Variants in TEX15 observed in about 807,000 individuals in gnomAD.
The protein encoded by TEX15 is testis expressed 15, meiosis and synapsis associated.
TEX15 carries 171 observed loss-of-function variants against 237.3 expected under a neutral mutation model. The observed-to-expected ratio is 0.72, with a 90% CI of 0.64 to 0.82. TEX15 has a LOEUF of 0.82. Among genes scored for constraint, TEX15 ranks in the 40% least tolerant of loss-of-function variants. The pLI is 0.00. For synonymous variants in TEX15, 1,338 were observed against 1,269.8 expected (o/e 1.05, Z -1.14); for missense variants, 3,750 against 3,646.5 (o/e 1.03, Z -0.73).
chr8:30,851,591 C>T (rs1348674034), intron 7 of TEX15, among the ~76,000 whole-genome samples: 1 of 151,800 alleles, frequency 6.6e-6, no homozygotes, highest in African/African-American at 2.4e-5. Flanking sequence ...GAGATCACAC[C>T]ACTACACTCC....
intron 9 of TEX15, among the ~76,000 whole-genome samples, chr8:30,838,742 ATATG>A (rs1462263377): frequency 7.7e-5 from 11 of 143,754 alleles, no homozygotes; most frequent in Admixed American, 2.1e-4. Context: ...ACATACACAC[ATATG>A]TATGTGTATG....
rs776592799 is a variant in TEX15 at position 30,843,007 on chromosome 8, A to C, written c.7160T>G (p.Leu2387Ter). Residue 2387 changes from leucine to a stop codon, truncating the protein, a stop_gained, in exon 8 of 11, where the codon TTA becomes TGA. Transcript: ENST00000643185. LOFTEE classifies it high-confidence loss of function. Reference sequence around the variant, plus strand: ...TGTACATCTCAAGGTGAGATCCTGTAATTTTTTAAGGTCTGCAAATTCAGC... The same window carrying C: ...TGTACATCTCAAGGTGAGATCCTGTCATTTTTTAAGGTCTGCAAATTCAGC... ...DQAEFADLKK[L>*]QDLTLRCTDH... 1 of 1,613,494 alleles carries C rather than the reference A, an allele frequency of 6.2e-7. No individual in the cohort carries two copies. Among genetic ancestry groups the C allele is most frequent in the East Asian group, 2.2e-5 (1 of 44,828 alleles).
intron 1 of TEX15, among the ~76,000 whole-genome samples, chr8:30,906,538 C>T (rs1809106127): frequency 6.7e-6 from 1 of 149,158 alleles, no homozygotes; most frequent in Non-Finnish European, 1.5e-5. Context: ...TGTGGTGAGC[C>T]GAGATTGTGC....
chr8:30,848,202 T>G lies in TEX15; in HGVS notation c.1965A>C (p.Pro655=). The G allele has an allele frequency of 6.2e-7, 1 of 1,612,058 alleles. No individual in the cohort carries two copies. Among genetic ancestry groups the G allele is most frequent in the Non-Finnish European group, 8.5e-7 (1 of 1,179,684 alleles). The change falls in exon 8 of 11, where the codon CCA becomes CCC. Residue 655 remains proline (P), a synonymous_variant. Coordinates refer to ENST00000643185, the MANE Select transcript of TEX15 (RefSeq NM_001350162.2). ...NDFTNETKIS[P]IDNYIVLHQE... is the part of the protein sequence containing the mutation. The stretch of plus-strand genomic sequence containing the variant: ...GGTGCAAAACAATGTAATTATCTAT[T>G]GGACTGATTTTTGTTTCATTAGTGA...
chr8:30,867,815 CAAG>C (rs1015583813), intron 4 of TEX15, among the ~76,000 whole-genome samples: 4 of 152,040 alleles, frequency 2.6e-5, no homozygotes, highest in African/African-American at 9.7e-5. Context: ...CTCAACTTCC[CAAG>C]AAGTTTTTAT....
chr8:30,904,662 AG>A (rs1465220976), intron 1 of TEX15, among the ~76,000 whole-genome samples: 1 of 152,182 alleles, frequency 6.6e-6, no homozygotes, highest in Non-Finnish European at 1.5e-5. Flanking sequence ...AGTATTCCTC[AG>A]CTTCTCTTTC....
chr8:30,837,423 A>G lies in TEX15; in HGVS notation c.8861T>C (p.Leu2954Pro). The change falls in exon 10 of 11, where the codon CTA (leucine) becomes CCA (proline). Residue 2954 changes from leucine (L) to proline (P), a missense_variant. Coordinates refer to ENST00000643185, the MANE Select transcript of TEX15 (RefSeq NM_001350162.2). ...CTCTGACTCAGTTTCTGTAGGCTGT[A>G]GTTTGTTTATCTGCAGAGTAGGAAT... ...NKIPTLQINK[L>P]QPTETESEDK... The G allele has an allele frequency of 2.5e-6, 4 of 1,614,172 alleles. No individual in the cohort carries two copies. Among genetic ancestry groups the G allele is most frequent in the Non-Finnish European group, 3.4e-6 (4 of 1,180,018 alleles).
rs554705633 is a variant in TEX15 at position 30,889,950 on chromosome 8, T to C, written c.-9-2639A>G. ...AGTTATATACATATATATATATATA[T>C]ATACATATATATATATATGTATAAG... On this transcript the variant is annotated intron_variant, in intron 2 of 10. Coordinates refer to ENST00000643185, the MANE Select transcript of TEX15 (RefSeq NM_001350162.2). 1.6e-3 allele frequency among the ~76,000 whole-genome samples: 189 copies of C among 120,898 alleles called. 11 individuals are homozygous for C. Among genetic ancestry groups the C allele is most frequent in the African/African-American group, 5.1e-3 (148 of 28,868 alleles). The allele number at this position is 120,898 out of a possible 152,430, so 79.3% of individuals were successfully genotyped here.
Position 30,837,908 on chromosome 8 carries a change from T to A in TEX15, c.8376A>T (p.Ala2792=). Residue 2792 remains alanine (A), a synonymous_variant, in exon 10 of 11, where the codon GCA becomes GCT. Coordinates refer to ENST00000643185, the MANE Select transcript of TEX15 (RefSeq NM_001350162.2). ...AGTCTATTTTGCTTTCCGACTTTGA[T>A]GCGCAAGTGTCTTTTGGGTTCTCTA... is the stretch of plus-strand genomic sequence containing the variant. The part of the protein sequence containing the change: ...LPLENPKDTC[A]SKSESKIDLT... 6.2e-7 allele frequency: 1 copy of A among 1,614,220 alleles called. No homozygotes were observed. Among genetic ancestry groups the A allele is most frequent in the East Asian group, 2.2e-5 (1 of 44,876 alleles).
intron 7 of TEX15, among the ~76,000 whole-genome samples, chr8:30,851,669 C>T (rs1407103175): frequency 6.6e-6 from 1 of 150,558 alleles, no homozygotes; most frequent in Non-Finnish European, 1.5e-5. Context: ...TAATATATAC[C>T]AATGTGGGAA....
In TEX15 at chr8:30,847,359, A is replaced by C. The variant is rs771270212; in HGVS notation, c.2808T>G (p.Thr936=). The change falls in exon 8 of 11, where the codon ACT becomes ACG. Residue 936 remains threonine (T), a synonymous_variant. Coordinates refer to ENST00000643185, the MANE Select transcript of TEX15 (RefSeq NM_001350162.2). ...TATCTTCTTCACTCTCTAATAATGCAGTTGCTGCTGACACTGCATTATCTT... is the reference window on the plus strand; with the variant it reads ...TATCTTCTTCACTCTCTAATAATGCCGTTGCTGCTGACACTGCATTATCTT... ...CREDNAVSAA[T]ALLESEEDTI... is the part of the protein sequence containing the mutation. 6.2e-7 allele frequency: 1 copy of C among 1,613,766 alleles called. No individual in the cohort carries two copies. Among genetic ancestry groups the C allele is most frequent in the Non-Finnish European group, 8.5e-7 (1 of 1,179,900 alleles).
Position 30,859,925 on chromosome 8 carries a change from C to A in TEX15, c.673G>T (p.Ala225Ser). 1 of 1,492,468 alleles carries A rather than the reference C, an allele frequency of 6.7e-7. No individual in the cohort carries two copies. The highest frequency in any genetic ancestry group is 2.5e-5 in the East Asian group (1 of 39,898). 92.5% of individuals were successfully genotyped at this position (1,492,468 alleles called of 1,614,324 possible). ...CATTAACATACTGCTGAACTGTAGGCTTGCAGTTCAATGGTATCTTTCAAA... is the reference window on the plus strand; with the variant it reads ...CATTAACATACTGCTGAACTGTAGGATTGCAGTTCAATGGTATCTTTCAAA... ...PSLKDTIELQ[A>S]YSSAVYFYEY... Residue 225 changes from alanine (A) to serine (S), a missense_variant, in exon 6 of 11, where the codon GCC becomes TCC. Transcript: ENST00000643185.
At chr8:30,851,502 G>A (rs935752231) in intron 7 of TEX15, among the ~76,000 whole-genome samples, 4 of 151,456 alleles carry the variant, frequency 2.6e-5, no homozygotes, top group African/African-American at 9.7e-5. Context: ...GTGGTGGTGT[G>A]TGCCTGTAGT....
At chr8:30,887,080 G>T in intron 3 of TEX15, 87 bp downstream of exon 3, 1 of 1,204,554 alleles carries the variant, frequency 8.3e-7, no homozygotes, top group Non-Finnish European at 1.1e-6. Context: ...ATTTTATATA[G>T]AGTCAAAATA....
intron 7 of TEX15, among the ~76,000 whole-genome samples, chr8:30,855,124 A>C (rs1236856740): frequency 6.6e-6 from 1 of 152,008 alleles, no homozygotes; most frequent in Non-Finnish European, 1.5e-5. Flanking sequence ...GCAATTATGC[A>C]AAAAAAGACT....
At chr8:30,838,291 C>T (rs1807358311) in intron 9 of TEX15, among the ~76,000 whole-genome samples, 1 of 151,908 alleles carries the variant, frequency 6.6e-6, no homozygotes, top group African/African-American at 2.4e-5. Context: ...AATATATTTC[C>T]AATATTGTAA....
At chr8:30,833,834 G>T (rs1019022925) in intron 10 of TEX15, among the ~76,000 whole-genome samples, 1 of 152,088 alleles carries the variant, frequency 6.6e-6, no homozygotes, top group Admixed American at 6.6e-5. Flanking sequence ...TTAAGTAAAT[G>T]ATTATTTCTT....
In TEX15 at chr8:30,842,648, G is replaced by C. The variant is rs1305666969; in HGVS notation, c.7519C>G (p.Leu2507Val). 6.2e-7 allele frequency: 1 copy of C among 1,612,002 alleles called. No individual in the cohort carries two copies. Among genetic ancestry groups the C allele is most frequent in the East Asian group, 2.2e-5 (1 of 44,846 alleles). ...ACAGCAGTCTCTATCACTTTCCAAA[G>C]GCAAACATCTGTTGAGTTATCTTTA... is the stretch of plus-strand genomic sequence containing the variant. ...FLKDNSTDVC[L>V]WKVIETAVSE... The change falls in exon 8 of 11, where the codon CTT becomes GTT. Residue 2507 changes from leucine (L) to valine (V), a missense_variant. By Grantham distance (32) the Leu-to-Val change is conservative (BLOSUM62 1). Transcript: ENST00000643185.
At chr8:30,899,176 T>C (rs1193807075) in intron 1 of TEX15, among the ~76,000 whole-genome samples, 2 of 152,240 alleles carry the variant, frequency 1.3e-5, no homozygotes, top group Non-Finnish European at 2.9e-5. Flanking sequence ...GAGCTTGCTC[T>C]AGTGTTTTTA....
Sources: allele counts gnomAD v4.1 joint callset (sites outside exome capture counted in the v4.1 genomes callset), GRCh38; gene constraint gnomAD v4.1.1; transcripts MANE v1.5; gene names NCBI Gene and HGNC (gene_info 2026-07-23, HGNC 2026-07-21).